The following SNRPA1 variants were observed in gnomAD, a reference collection of about 807,000 sequenced individuals.
SNRPA1 encodes small nuclear ribonucleoprotein polypeptide A'.
In SNRPA1, 5 loss-of-function variants were observed where a neutral mutation model predicts 32.3. The ratio of observed to expected loss-of-function variants is 0.15; its 90% CI spans 0.08 to 0.33. The LOEUF (loss-of-function observed/expected upper bound fraction) is 0.33, where lower values mean the gene tolerates loss of function less well. Ranked by LOEUF, SNRPA1 falls within the 10% of genes least tolerant of loss-of-function variation. The pLI, the probability that SNRPA1 is intolerant of heterozygous loss-of-function variation, is 1.00. For missense variants in SNRPA1, 198 were observed against 311.1 expected (o/e 0.64, Z 2.74); for synonymous variants, 111 against 120.1 (o/e 0.92, Z 0.50).
intron 3 of SNRPA1, among the ~76,000 whole-genome samples, chr15:101,290,397 C>A (rs2039509742): frequency 6.6e-6 from 1 of 152,120 alleles, no homozygotes; most frequent in South Asian, 2.1e-4. Flanking sequence ...TTGAATACTT[C>A]ACACACTTCA....
chr15:101,281,518 A>G lies in SNRPA1; in HGVS notation c.*206T>C, dbSNP rs2039393746. ...CCATGATGACACACAACTTGGTAGC[A>G]TAGTGAGTGGAGTTTATTTTTATAA... On this transcript the variant is annotated 3_prime_UTR_variant, in exon 9 of 9. Coordinates refer to ENST00000254193, the MANE Select transcript of SNRPA1 (RefSeq NM_003090.4). 1 of 540,090 alleles carries G rather than the reference A, an allele frequency of 1.9e-6. No individual in the cohort carries two copies. The highest frequency in any genetic ancestry group is 3.3e-5 in the Admixed American group (1 of 29,924). 33.5% of individuals were successfully genotyped at this position (540,090 alleles called of 1,614,324 possible). A position where few individuals can be genotyped will look rare whatever the true frequency, so the allele number is the denominator to read the frequency against.
intron 7 of SNRPA1, among the ~76,000 whole-genome samples, chr15:101,285,410 C>T (rs1222011134): frequency 6.6e-6 from 1 of 152,150 alleles, no homozygotes; most frequent in East Asian, 1.9e-4. Context: ...AAGGATTTGC[C>T]AGACAGCAAA....
intron 8 of SNRPA1, among the ~76,000 whole-genome samples, chr15:101,283,946 G>A (rs1436002222): frequency 3.3e-5 from 5 of 152,148 alleles, no homozygotes; most frequent in African/African-American, 1.2e-4. Flanking sequence ...GACTCAAAAA[G>A]GAAAAAAATG....
intron 1 of SNRPA1, among the ~76,000 whole-genome samples, chr15:101,293,757 G>C (rs559057407): frequency 2.6e-4 from 40 of 152,160 alleles, no homozygotes; most frequent in African/African-American, 8.2e-4. Context: ...GTCTAATTTG[G>C]GCATAATTAT....
In SNRPA1 at chr15:101,284,359, G is replaced by A. The variant is rs573221728; in HGVS notation, c.709+608C>T. Among the ~76,000 whole-genome samples, 4 of 152,290 alleles carry A rather than the reference G, an allele frequency of 2.6e-5. No homozygotes were observed. In the South Asian group the frequency reaches 6.2e-4, roughly 24 times the overall value. ...AGAGCCTGTGTTCCTAACTACTGAG[G>A]TATCATGCACACACGCAAATATATA... On this transcript the variant is annotated intron_variant, in intron 8 of 8. Transcript: ENST00000254193.
In SNRPA1 at chr15:101,295,169, G is replaced by A; in HGVS notation, c.10C>T (p.Leu4=). 1 of 1,554,086 alleles carries A rather than the reference G, an allele frequency of 6.4e-7. No homozygotes were observed. Among genetic ancestry groups the A allele is most frequent in the Non-Finnish European group, 8.7e-7 (1 of 1,154,442 alleles). MVK[L]TAELIEQAAQ... is the part of the protein sequence containing the mutation. ...GCCTGCTCGATCAGCTCCGCCGTCA[G>A]CTTGACCATCCTGCAGCCTCCCGTT... is the stretch of plus-strand genomic sequence containing the variant. The change falls in exon 1 of 9, where the codon CTG becomes TTG. Residue 4 remains leucine, a synonymous_variant. Transcript: ENST00000254193.
Position 101,284,975 on chromosome 15 carries a change from C to T in SNRPA1, c.701G>A (p.Arg234His), listed in dbSNP as rs753401813. The T allele has an allele frequency of 1.3e-5, 21 of 1,611,888 alleles. No homozygotes were observed. Among genetic ancestry groups the T allele is most frequent in the Admixed American group, 8.3e-5 (5 of 59,994 alleles). Reference sequence around the variant, plus strand: ...GAACACCATTTGTTCACCTGATCTGCGTTCTCTGCCAGGGATCTGACCAGA... The same window carrying T: ...GAACACCATTTGTTCACCTGATCTGTGTTCTCTGCCAGGGATCTGACCAGA... ...LQSGQIPGRE[R>H]RSGPTDDGEE... is the part of the protein sequence containing the mutation. The change falls in exon 8 of 9, where the codon CGC becomes CAC. Residue 234 changes from arginine (R) to histidine (H), a missense_variant. Physicochemically the swap from Arg to His is conservative, Grantham distance 29. This residue lies in a region of SNRPA1 where 77 missense variants were observed against 120.1 expected (regional missense o/e 0.64). Transcript: ENST00000254193.
intron 3 of SNRPA1, among the ~76,000 whole-genome samples, chr15:101,291,095 G>A (rs2039521623): frequency 6.6e-6 from 1 of 151,972 alleles, no homozygotes; most frequent in South Asian, 2.1e-4. Context: ...TGCCCAGGCT[G>A]GTCTAGAACT....
chr15:101,285,975 A>C, intron 6 of SNRPA1, 174 bp from the exon 7 acceptor site: 1 of 633,344 alleles, frequency 1.6e-6, no homozygotes, highest in Non-Finnish European at 2.8e-6. Context: ...TCCTATATAG[A>C]AAATAGGATG....
chr15:101,287,873 T>C (rs1180360565), intron 3 of SNRPA1, 171 bp from the exon 4 acceptor site: 10 of 610,812 alleles, frequency 1.6e-5, no homozygotes, highest in Non-Finnish European at 2.4e-5. Context: ...TTTCTACCGA[T>C]GAATACATGG....
In SNRPA1 at chr15:101,293,030, T is replaced by C. The variant is rs1456012519; in HGVS notation, c.225A>G (p.Arg75=). The C allele has an allele frequency of 1.9e-6, 3 of 1,607,276 alleles. No individual in the cohort carries two copies. Among genetic ancestry groups the C allele is most frequent in the African/African-American group, 1.3e-5 (1 of 74,782 alleles). The change falls in exon 2 of 9, where the codon AGA becomes AGG. Residue 75 remains arginine (R), a synonymous_variant. Coordinates refer to ENST00000254193, the MANE Select transcript of SNRPA1 (RefSeq NM_003090.4). Reference sequence around the variant, plus strand: ...TTTCCCCTACAGACACGTACCATATTCTGTTGTTGTTCACTAACAATGTTT... The same window carrying C: ...TTTCCCCTACAGACACGTACCATATCCTGTTGTTGTTCACTAACAATGTTT... ...RLKTLLVNNN[R]ICRIGEGLDQ...
At chr15:101,290,995 C>A (rs918867922) in intron 3 of SNRPA1, among the ~76,000 whole-genome samples, 22 of 152,082 alleles carry the variant, frequency 1.4e-4, no homozygotes, top group Admixed American at 3.9e-4. Context: ...CCGCCTCGGC[C>A]TCCCAAAGTG....
chr15:101,286,184 G>A (rs760396195), intron 6 of SNRPA1, 30 bp downstream of exon 6: 2 of 1,572,836 alleles, frequency 1.3e-6, no homozygotes, highest in Admixed American at 3.3e-5. Context: ...TGAAGGTGAA[G>A]TAGAGTTAAG....
rs777704859 is a variant in SNRPA1, at chr15:101,285,010, C to G, written c.666G>C (p.Gly222=). The G allele has an allele frequency of 1.4e-5, 23 of 1,614,014 alleles. 1 individual carries two copies. The South Asian group carries it at 2.5e-4, about 18-fold the overall frequency. The change falls in exon 8 of 9, where the codon GGG becomes GGC. Residue 222 remains glycine, a synonymous_variant. Coordinates refer to ENST00000254193, the MANE Select transcript of SNRPA1 (RefSeq NM_003090.4). ...STLAEVERLK[G]LLQSGQIPGR... Reference sequence around the variant, plus strand: ...CAGGGATCTGACCAGACTGCAGCAACCCCTTCAGCCTCTCCACTTCAGCCA... The same window carrying G: ...CAGGGATCTGACCAGACTGCAGCAAGCCCTTCAGCCTCTCCACTTCAGCCA...
intron 3 of SNRPA1, among the ~76,000 whole-genome samples, chr15:101,289,574 T>C (rs1164958324): frequency 6.6e-6 from 1 of 152,004 alleles, no homozygotes; most frequent in Non-Finnish European, 1.5e-5. Flanking sequence ...AGTAATTACA[T>C]TAAATGTAAA....
chr15:101,286,386 C>T, intron 5 of SNRPA1, 93 bp from the exon 6 acceptor site: 2 of 1,116,104 alleles, frequency 1.8e-6, no homozygotes, highest in East Asian at 2.5e-5. Context: ...AACTCTCCTA[C>T]AGTACTCCGG....
Position 101,285,755 on chromosome 15 carries a change from G to T in SNRPA1, c.586C>A (p.Pro196Thr), listed in dbSNP as rs1426191744. 1 of 1,613,734 alleles carries T rather than the reference G, an allele frequency of 6.2e-7. No homozygotes were observed. Among genetic ancestry groups the T allele is most frequent in the South Asian group, 1.1e-5 (1 of 91,062 alleles). Residue 196 changes from proline to threonine, a missense_variant, in exon 7 of 9, where the codon CCA (proline) becomes ACA (threonine). By Grantham distance (38) the Pro-to-Thr change is conservative. Coordinates refer to ENST00000254193, the MANE Select transcript of SNRPA1 (RefSeq NM_003090.4). ...ATTGCTTCTACATCCCCTGGAGATG[G>T]CCCACCTTTCTTTTTGTCAGTTGGC... Reference protein sequence around the residue: ...GLPTDKKKGGPSPGDVEAIKN... With the variant: ...GLPTDKKKGGTSPGDVEAIKN...
intron 8 of SNRPA1, chr15:101,284,740 G>T: frequency 2.7e-6 from 1 of 373,508 alleles, no homozygotes; most frequent in Non-Finnish European, 5.2e-6. Flanking sequence ...GACCTCAGGT[G>T]ATCCGCCCGC....
intron 8 of SNRPA1, among the ~76,000 whole-genome samples, chr15:101,284,183 T>G (rs1029006491): frequency 6.6e-6 from 1 of 152,236 alleles, no homozygotes; most frequent in African/African-American, 2.4e-5. Context: ...TGTTGAGCCT[T>G]GTGCTGTGTT....
Sources: allele counts gnomAD v4.1 joint callset (sites outside exome capture counted in the v4.1 genomes callset), GRCh38; gene constraint gnomAD v4.1.1; regional missense constraint gnomAD v4.1.1; transcripts MANE v1.5; gene names NCBI Gene and HGNC (gene_info 2026-07-23, HGNC 2026-07-21).